The following WWOX variants were observed in gnomAD, a reference collection of about 807,000 sequenced individuals.
WWOX encodes the protein WW domain containing oxidoreductase.
In WWOX, 69 loss-of-function variants were observed where a neutral mutation model predicts 46.2. The ratio of observed to expected loss-of-function variants is 1.49; its 90% CI spans 1.23 to 1.82. The LOEUF is 1.82. Among genes scored for constraint, WWOX ranks in the 40% most tolerant of loss-of-function variants. The pLI is 0.00. For missense variants in WWOX, 919 were observed against 542.6 expected (o/e 1.69, Z -6.89); for synonymous variants, 359 against 202.6 (o/e 1.77, Z -6.56).
intron 8 of WWOX, among the ~76,000 whole-genome samples, chr16:79,095,093 C>T (rs776548166): frequency 6.6e-6 from 1 of 152,170 alleles, no homozygotes; most frequent in African/African-American, 2.4e-5. Context: ...CTGCCCCAGC[C>T]CCGTTCTATT....
At chr16:79,171,961 T>G (rs952258740) in intron 8 of WWOX, among the ~76,000 whole-genome samples, 4 of 152,152 alleles carry the variant, frequency 2.6e-5, no homozygotes, top group African/African-American at 9.7e-5. Context: ...AAGCTTGGGT[T>G]TCAGATGCAG....
chr16:78,918,458 G>C (rs2045303152), intron 8 of WWOX, among the ~76,000 whole-genome samples: 1 of 151,922 alleles, frequency 6.6e-6, no homozygotes, highest in East Asian at 1.9e-4. Flanking sequence ...ACTGTCACTT[G>C]GTTGTTCTCG....
At chr16:78,709,317 G>A (rs142872828) in intron 8 of WWOX, among the ~76,000 whole-genome samples, 7 of 152,286 alleles carry the variant, frequency 4.6e-5, no homozygotes, top group Non-Finnish European at 8.8e-5. Context: ...TTTAACTTAC[G>A]TAGTGATCAC....
intron 8 of WWOX, among the ~76,000 whole-genome samples, chr16:78,540,202 A>G (rs1029151666): frequency 6.6e-6 from 1 of 152,008 alleles, no homozygotes; most frequent in Non-Finnish European, 1.5e-5. Context: ...TAACAATAGA[A>G]TCTTGATGGG....
At chr16:78,313,473 C>T (rs2080289163) in intron 5 of WWOX, among the ~76,000 whole-genome samples, 1 of 152,186 alleles carries the variant, frequency 6.6e-6, no homozygotes, top group South Asian at 2.1e-4. Context: ...TAAAGCAATT[C>T]TCCTGCCTTG....
chr16:78,326,450 C>G (rs12102568), intron 5 of WWOX, among the ~76,000 whole-genome samples: 1 of 151,794 alleles, frequency 6.6e-6, no homozygotes, highest in Non-Finnish European at 1.5e-5. Flanking sequence ...ACGTTGTTAT[C>G]GCGCAAAGGA....
chr16:78,154,628 C>T (rs1465623872), intron 4 of WWOX, among the ~76,000 whole-genome samples: 1 of 151,446 alleles, frequency 6.6e-6, no homozygotes, highest in Non-Finnish European at 1.5e-5. Context: ...AGGGAGCTTG[C>T]ACCATGGGTT....
At chr16:78,360,963 C>T (rs150641302) in intron 5 of WWOX, among the ~76,000 whole-genome samples, 72 of 152,088 alleles carry the variant, frequency 4.7e-4, no homozygotes, top group African/African-American at 1.5e-3. Context: ...TGGGACTATA[C>T]GCATGCACCA....
chr16:78,772,196 C>T (rs1186086868), intron 8 of WWOX, among the ~76,000 whole-genome samples: 1 of 152,178 alleles, frequency 6.6e-6, no homozygotes, highest in Middle Eastern at 3.2e-3. Context: ...TTCCTCTCTC[C>T]CTCTACCCTC....
chr16:78,411,662 T>C (rs1258240153), intron 6 of WWOX, among the ~76,000 whole-genome samples: 1 of 152,198 alleles, frequency 6.6e-6, no homozygotes, highest in Non-Finnish European at 1.5e-5. Flanking sequence ...TAGAATAGTA[T>C]TTTAATAAGT....
rs1055722848 is a variant in WWOX at position 78,348,464 on chromosome 16, T to C, written c.517-38396T>C. Among the ~76,000 whole-genome samples, 7 of 120,378 alleles carry C rather than the reference T, an allele frequency of 5.8e-5. 1 individual carries two copies. Among genetic ancestry groups the C allele is most frequent in the African/African-American group, 2.0e-4 (7 of 35,424 alleles). 79.0% of individuals were successfully genotyped at this position (120,378 alleles called of 152,430 possible). On this transcript the variant is annotated intron_variant, in intron 5 of 8. Transcript: ENST00000566780. ...ATACATATACTGATGCGGTGTTTATTTTATTTTAGTTTTTTGAGACAGGGT... is the reference window on the plus strand; with the variant it reads ...ATACATATACTGATGCGGTGTTTATCTTATTTTAGTTTTTTGAGACAGGGT...
intron 8 of WWOX, among the ~76,000 whole-genome samples, chr16:79,134,560 T>G (rs2049946106): frequency 6.6e-6 from 1 of 152,144 alleles, no homozygotes; most frequent in Non-Finnish European, 1.5e-5. Flanking sequence ...TCATTGCTGC[T>G]TACTTATTAG....
intron 8 of WWOX, among the ~76,000 whole-genome samples, chr16:79,152,151 G>A (rs1359319300): frequency 6.6e-6 from 1 of 152,054 alleles, no homozygotes; most frequent in African/African-American, 2.4e-5. Context: ...TGTTTCTGTC[G>A]GCACTGCCTT....
At position 78,176,736 on chromosome 16, in the gene WWOX, A is replaced by G. The variant is rs1408133951; in HGVS notation, c.516+12447A>G. 6.6e-5 allele frequency among the ~76,000 whole-genome samples: 10 copies of G among 152,248 alleles called. 1 individual carries two copies. On this transcript the variant is annotated intron_variant, in intron 5 of 8. Coordinates refer to ENST00000566780, the MANE Select transcript of WWOX (RefSeq NM_016373.4). ...TGAACTTTAATTACTTGGAATGCGT[A>G]GCCAGGAGAGAATTAGTTGATGAAT...
chr16:79,050,991 T>TC (rs1439835343), intron 8 of WWOX, among the ~76,000 whole-genome samples: 1 of 152,226 alleles, frequency 6.6e-6, no homozygotes, highest in East Asian at 1.9e-4. Flanking sequence ...CACAAGACAC[T>TC]GACCCAAATC....
chr16:78,308,766 A>G (rs1444618171), intron 5 of WWOX, among the ~76,000 whole-genome samples: 1 of 152,074 alleles, frequency 6.6e-6, no homozygotes, highest in East Asian at 1.9e-4. Flanking sequence ...CATCATAAGA[A>G]CCTTGGTCTT....
At chr16:78,710,500 TTATATAAA>T in intron 8 of WWOX, among the ~76,000 whole-genome samples, 1 of 68,590 alleles carries the variant, frequency 1.5e-5, no homozygotes, top group South Asian at 4.4e-4. Context: ...ATATATATAT[TTATATAAA>T]TATATTTTAT....
At chr16:78,448,251 C>CG (rs1046812221) in intron 8 of WWOX, among the ~76,000 whole-genome samples, 25 of 152,200 alleles carry the variant, frequency 1.6e-4, no homozygotes, top group African/African-American at 4.8e-4. Flanking sequence ...TAATGCATAA[C>CG]GGGGGAGTAA....
chr16:78,479,395 G>C (rs1010096400), intron 8 of WWOX, among the ~76,000 whole-genome samples: 7 of 152,334 alleles, frequency 4.6e-5, no homozygotes, highest in East Asian at 3.9e-4. Context: ...TGGGTTTAGA[G>C]AATGCTTTCA....
Sources: gnomAD v4.1 joint callset for allele counts (sites outside exome capture counted in the v4.1 genomes callset) on GRCh38, gnomAD v4.1.1 for gene constraint, MANE v1.5 for transcripts, NCBI Gene and HGNC (gene_info 2026-07-23, HGNC 2026-07-21) for gene names.